Variants in CAPN13 observed in about 807,000 individuals in gnomAD.
CAPN13 encodes calpain-13.
CAPN13 carries 90 observed loss-of-function variants against 98.4 expected under a neutral mutation model. That is an observed-to-expected ratio of 0.92 (90% CI 0.77 to 1.09). The LOEUF is 1.09. Among genes scored for constraint, CAPN13 ranks in the 50% least tolerant of loss-of-function variants. The pLI, the probability that CAPN13 is intolerant of heterozygous loss-of-function variation, is 0.00. For missense variants in CAPN13, 887 were observed against 841.3 expected (o/e 1.05, Z -0.67); for synonymous variants, 330 against 305.5 (o/e 1.08, Z -0.84).
At chr2:30,733,246 A>G (rs950171324) in intron 19 of CAPN13, among the ~76,000 whole-genome samples, 9 of 152,300 alleles carry the variant, frequency 5.9e-5, no homozygotes, top group African/African-American at 2.2e-4. Context: ...CTGGTGGCCC[A>G]TGAGCCTCCG....
intron 8 of CAPN13, among the ~76,000 whole-genome samples, chr2:30,755,946 A>G (rs1672423248): frequency 6.6e-6 from 1 of 152,076 alleles, no homozygotes; most frequent in African/African-American, 2.4e-5. Flanking sequence ...CTCTCCATCC[A>G]TCTCCATTCC....
intron 22 of CAPN13, among the ~76,000 whole-genome samples, chr2:30,728,955 G>A (rs978033084): frequency 4.6e-5 from 7 of 152,184 alleles, no homozygotes; most frequent in African/African-American, 1.7e-4. Flanking sequence ...AACAGGTGGA[G>A]TTTAGCTGGA....
chr2:30,735,902 G>T (rs145125050), intron 18 of CAPN13, among the ~76,000 whole-genome samples: 2 of 152,304 alleles, frequency 1.3e-5, no homozygotes, highest in East Asian at 3.9e-4. Flanking sequence ...CCAGTCTCAG[G>T]GTGCAGGGAG....
At chr2:30,734,749 C>A (rs780185395) in intron 18 of CAPN13, among the ~76,000 whole-genome samples, 3 of 152,200 alleles carry the variant, frequency 2.0e-5, no homozygotes, top group African/African-American at 7.2e-5. Flanking sequence ...CTCTTCTGTG[C>A]CCCCAGACTG....
At chr2:30,733,714 C>T (rs13012620) in intron 19 of CAPN13, among the ~76,000 whole-genome samples, 1 of 152,208 alleles carries the variant, frequency 6.6e-6, no homozygotes, top group Non-Finnish European at 1.5e-5. Flanking sequence ...TCTGCCCTGT[C>T]TCCAGGCCAG....
chr2:30,774,612 G>A (rs1036380915), intron 4 of CAPN13, among the ~76,000 whole-genome samples: 4 of 152,012 alleles, frequency 2.6e-5, no homozygotes, highest in East Asian at 1.9e-4. Flanking sequence ...AATTAACTTC[G>A]GTAGAAATAA....
At chr2:30,778,647 C>CA (rs1468184332) in intron 2 of CAPN13, among the ~76,000 whole-genome samples, 1 of 152,218 alleles carries the variant, frequency 6.6e-6, no homozygotes, top group Admixed American at 6.5e-5. Flanking sequence ...GCCAGCTCTT[C>CA]ATAAACTGCC....
intron 11 of CAPN13, among the ~76,000 whole-genome samples, chr2:30,749,144 G>A (rs62142186): frequency 0.012 from 1,783 of 152,272 alleles, 12 homozygotes; most frequent in Non-Finnish European, 0.021. Flanking sequence ...GAACATGCTT[G>A]TACTTCTGAA....
Position 30,776,041 on chromosome 2 carries a change from G to T in CAPN13, c.276C>A (p.Asp92Glu). Residue 92 changes from aspartate (D) to glutamate (E), a missense_variant, in exon 4 of 23, where the codon GAC (aspartate) becomes GAA (glutamate). By Grantham distance (45) the Asp-to-Glu change is conservative. Transcript: ENST00000295055. ...RFDIQQGGAA[D>E]CWFLAALGSL... is the part of the protein sequence containing the mutation. The stretch of plus-strand genomic sequence containing the variant: ...ATCCCAGTGCTGCCAGGAACCAGCA[G>T]TCAGCTGTGAGGGGAGATAAGCCAG... 1 of 1,609,306 alleles carries T rather than the reference G, an allele frequency of 6.2e-7. No homozygotes were observed. Among genetic ancestry groups the T allele is most frequent in the Non-Finnish European group, 8.5e-7 (1 of 1,177,174 alleles).
At chr2:30,738,059 C>A in intron 17 of CAPN13, 176 bp downstream of exon 17, 1 of 674,360 alleles carries the variant, frequency 1.5e-6, no homozygotes. Flanking sequence ...TAACTATTAT[C>A]ATTGTTGCTG....
At chr2:30,749,739 T>C (rs1229961938) in intron 11 of CAPN13, among the ~76,000 whole-genome samples, 2 of 134,976 alleles carry the variant, frequency 1.5e-5, no homozygotes, top group African/African-American at 6.3e-5. Context: ...AACTCTATTA[T>C]GAGGAGAGAG....
In CAPN13 at chr2:30,770,298, C is replaced by A; in HGVS notation, c.524+15G>T. ...ACTGAAACTCTGGGCTGATGGGTGG[C>A]GGGGTTGTACTTACTTGGCATAGGC... On this transcript the variant is annotated intron_variant, in intron 5 of 22. Coordinates refer to ENST00000295055, the MANE Select transcript of CAPN13 (RefSeq NM_144575.3). 2 of 1,611,674 alleles carry A rather than the reference C, an allele frequency of 1.2e-6. No individual in the cohort carries two copies. Among genetic ancestry groups the A allele is most frequent in the South Asian group, 1.1e-5 (1 of 90,766 alleles).
chr2:30,790,715 G>C (rs1408062272), intron 1 of CAPN13, among the ~76,000 whole-genome samples: 1 of 152,210 alleles, frequency 6.6e-6, no homozygotes, highest in Admixed American at 6.5e-5. Flanking sequence ...GATGTTTGCA[G>C]TCAGACCTTG....
intron 11 of CAPN13, among the ~76,000 whole-genome samples, chr2:30,747,525 G>A (rs2147981089): frequency 6.6e-6 from 1 of 152,270 alleles, no homozygotes; most frequent in Admixed American, 6.5e-5. Flanking sequence ...AGGATGAAAT[G>A]GCTCATCCAC....
chr2:30,768,699 T>TTCCTTCCTTCCTTCCC (rs1673234136), intron 5 of CAPN13, among the ~76,000 whole-genome samples: 1 of 152,076 alleles, frequency 6.6e-6, no homozygotes, highest in African/African-American at 2.4e-5. Flanking sequence ...CCTTCCTTCC[T>TTCCTTCCTTCCTTCCC]TCCTTCCTTT....
intron 4 of CAPN13, among the ~76,000 whole-genome samples, chr2:30,773,453 T>C (rs538160273): frequency 1.3e-5 from 2 of 152,290 alleles, no homozygotes; most frequent in South Asian, 2.1e-4. Flanking sequence ...GTTTTAAATA[T>C]GCTTTTTATA....
intron 1 of CAPN13, among the ~76,000 whole-genome samples, chr2:30,796,166 A>ATGTGTGTATATATATATACATATATATG (rs1558347296): frequency 7.0e-6 from 1 of 142,080 alleles, no homozygotes; most frequent in Non-Finnish European, 1.5e-5. Flanking sequence ...ATACATATAT[A>ATGTGTGTATATATATATACATATATATG]TGTGTGTATA....
At chr2:30,777,457 A>AC in intron 3 of CAPN13, 110 bp downstream of exon 3, 3 of 928,094 alleles carry the variant, frequency 3.2e-6, no homozygotes, top group Non-Finnish European at 5.1e-6. Context: ...CCACGGCAGC[A>AC]CCAAGGGAAC....
At chr2:30,802,463 A>ATGTGTGTGTGTG (rs60572949) in intron 1 of CAPN13, among the ~76,000 whole-genome samples, 2 of 140,204 alleles carry the variant, frequency 1.4e-5, no homozygotes, top group African/African-American at 5.3e-5. Flanking sequence ...GTGTGTGTGT[A>ATGTGTGTGTGTG]TGTGTGTGTG....
Sources: gnomAD v4.1 joint callset for allele counts (sites outside exome capture counted in the v4.1 genomes callset) on GRCh38, gnomAD v4.1.1 for gene constraint, MANE v1.5 for transcripts, NCBI Gene and HGNC (gene_info 2026-07-23, HGNC 2026-07-21) for gene names.